FHIT: variants seen among roughly 807,000 people sequenced by gnomAD.
FHIT encodes the protein bis(5'-adenosyl)-triphosphatase.
In FHIT, 19 loss-of-function variants were observed where a neutral mutation model predicts 17.9. That is an observed-to-expected ratio of 1.06 (90% CI 0.74 to 1.56). The LOEUF (loss-of-function observed/expected upper bound fraction) is 1.56, where lower values mean the gene tolerates loss of function less well. Ranked by LOEUF, FHIT falls within the 40% of genes most tolerant of loss-of-function variation. The pLI, the probability that FHIT is intolerant of heterozygous loss-of-function variation, is 0.00. For missense variants in FHIT, 248 were observed against 189.2 expected (o/e 1.31, Z -1.82); for synonymous variants, 81 against 69.7 (o/e 1.16, Z -0.81).
intron 5 of FHIT, among the ~76,000 whole-genome samples, chr3:60,308,637 G>A (rs1025572087): frequency 6.6e-6 from 1 of 151,878 alleles, no homozygotes; most frequent in Non-Finnish European, 1.5e-5. Flanking sequence ...TTGCATGAGA[G>A]CATGAATTTG....
At chr3:60,889,763 G>A (rs1221800285) in intron 3 of FHIT, among the ~76,000 whole-genome samples, 1 of 152,104 alleles carries the variant, frequency 6.6e-6, no homozygotes, top group African/African-American at 2.4e-5. Flanking sequence ...AATCAAAAGA[G>A]AAAATCAAAG....
intron 5 of FHIT, among the ~76,000 whole-genome samples, chr3:60,180,433 C>A (rs1473606697): frequency 6.6e-6 from 1 of 152,148 alleles, no homozygotes; most frequent in Non-Finnish European, 1.5e-5. Flanking sequence ...TCATCCCAAT[C>A]CCAGTCCCTG....
rs557262402 is a variant in FHIT, at chr3:59,877,621, G to A, written c.348+44725C>T. Among the ~76,000 whole-genome samples the A allele has an allele frequency of 3.3e-5, 5 of 152,324 alleles. No individual in the cohort carries two copies. In the South Asian group the frequency reaches 1.0e-3, roughly 32 times the overall value. ...ACCATGTTCAGACATGCAGAGTAGA[G>A]GCTTGGGCTATGATCATCAGATACC... On this transcript the variant is annotated intron_variant, in intron 8 of 9. Coordinates refer to ENST00000492590, the MANE Select transcript of FHIT (RefSeq NM_002012.4).
chr3:60,318,027 A>G lies in FHIT; in HGVS notation c.103+218833T>C, dbSNP rs181569186. 3.3e-5 allele frequency among the ~76,000 whole-genome samples: 5 copies of G among 152,140 alleles called. No individual in the cohort carries two copies. In the East Asian group the frequency reaches 9.7e-4, roughly 29 times the overall value. On this transcript the variant is annotated intron_variant, in intron 5 of 9. Transcript: ENST00000492590. Reference sequence around the variant, plus strand: ...GGCTGGTCTCAAACCCCTCACCTCAAGTGATCCACCTGCCTCGGCCTCCCA... The same window carrying G: ...GGCTGGTCTCAAACCCCTCACCTCAGGTGATCCACCTGCCTCGGCCTCCCA...
chr3:59,879,067 G>C (rs563814385), intron 8 of FHIT, among the ~76,000 whole-genome samples: 89 of 152,008 alleles, frequency 5.9e-4, no homozygotes, highest in Non-Finnish European at 1.0e-3. Context: ...AGAAAAATCT[G>C]AGCTTTCTAC....
chr3:60,549,007 A>G (rs2036460204), intron 4 of FHIT, among the ~76,000 whole-genome samples: 1 of 152,170 alleles, frequency 6.6e-6, no homozygotes, highest in Non-Finnish European at 1.5e-5. Context: ...GAGTATGACA[A>G]CAGTACCTTC....
chr3:60,578,957 A>C (rs1186023555), intron 4 of FHIT, among the ~76,000 whole-genome samples: 1 of 152,172 alleles, frequency 6.6e-6, no homozygotes, highest in African/African-American at 2.4e-5. Flanking sequence ...GTAAACACTC[A>C]CAAGAAAAAG....
intron 1 of FHIT, among the ~76,000 whole-genome samples, chr3:61,204,635 C>T (rs1277212483): frequency 8.3e-6 from 1 of 120,998 alleles, no homozygotes; most frequent in Non-Finnish European, 1.8e-5. Context: ...TTTATCAAAA[C>T]GAATGTTTTA....
At chr3:61,100,962 C>T in intron 2 of FHIT, among the ~76,000 whole-genome samples, 1 of 152,116 alleles carries the variant, frequency 6.6e-6, no homozygotes, top group South Asian at 2.1e-4. Flanking sequence ...GATATTAGCC[C>T]TTTGTCAGAT....
chr3:60,134,523 A>C (rs1260843822), intron 5 of FHIT, among the ~76,000 whole-genome samples: 1 of 152,226 alleles, frequency 6.6e-6, no homozygotes, highest in Non-Finnish European at 1.5e-5. Context: ...CATAGGTCAT[A>C]GATTGTGAAT....
intron 4 of FHIT, among the ~76,000 whole-genome samples, chr3:60,767,927 A>G (rs1403416677): frequency 5.9e-5 from 9 of 152,202 alleles, no homozygotes; most frequent in African/African-American, 2.2e-4. Flanking sequence ...AGTAGATTAC[A>G]CGGGATTGTA....
At chr3:60,885,427 CAA>C (rs1705179485) in intron 3 of FHIT, among the ~76,000 whole-genome samples, 1 of 152,058 alleles carries the variant, frequency 6.6e-6, no homozygotes, top group South Asian at 2.1e-4. Flanking sequence ...CTTCTGCATA[CAA>C]AAAGTGATCT....
rs1232170775 is a variant in FHIT at position 60,782,982 on chromosome 3, GT to G, written c.-18+38936del. Among the ~76,000 whole-genome samples, 7 of 152,118 alleles carry G rather than the reference GT, an allele frequency of 4.6e-5. No individual in the cohort carries two copies. The East Asian group carries it at 1.2e-3, about 25-fold the overall frequency. ...CCTCCTAATATTATCACACTGGGTT[GT>G]TTTTTGTTGTTGTTGTTTTGACAAG... is the stretch of plus-strand genomic sequence containing the variant. On this transcript the variant is annotated intron_variant, in intron 4 of 9. Transcript: ENST00000492590.
chr3:59,797,328 G>A (rs942195851), intron 8 of FHIT, among the ~76,000 whole-genome samples: 7 of 151,684 alleles, frequency 4.6e-5, no homozygotes, highest in East Asian at 1.9e-4. Flanking sequence ...CTCAGATTAC[G>A]AGTGCCCACC....
chr3:60,497,592 C>A (rs528678754), intron 5 of FHIT, among the ~76,000 whole-genome samples: 197 of 152,232 alleles, frequency 1.3e-3, no homozygotes, highest in Non-Finnish European at 2.1e-3. Flanking sequence ...TTGTTCTACA[C>A]AGAGCTATAA....
intron 3 of FHIT, among the ~76,000 whole-genome samples, chr3:60,972,880 C>T (rs146745269): frequency 6.6e-6 from 1 of 152,236 alleles, no homozygotes; most frequent in Non-Finnish European, 1.5e-5. Flanking sequence ...ATTACACTTA[C>T]TGTAATTTTA....
intron 8 of FHIT, among the ~76,000 whole-genome samples, chr3:59,801,048 A>G (rs1384892563): frequency 6.6e-6 from 1 of 151,992 alleles, no homozygotes; most frequent in African/African-American, 2.4e-5. Flanking sequence ...TCCAACTTGA[A>G]CATTAGACTT....
chr3:60,103,243 G>C (rs186233452), intron 5 of FHIT, among the ~76,000 whole-genome samples: 1 of 152,294 alleles, frequency 6.6e-6, no homozygotes, highest in African/African-American at 2.4e-5. Flanking sequence ...TTGTAGGGGA[G>C]AAAACGATCA....
At chr3:60,158,403 C>CA (rs1700799406) in intron 5 of FHIT, among the ~76,000 whole-genome samples, 1 of 152,074 alleles carries the variant, frequency 6.6e-6, no homozygotes, top group African/African-American at 2.4e-5. Context: ...CCTCCGCTTC[C>CA]AGGGTTCAAA....
Sources: gnomAD v4.1 joint callset for allele counts (sites outside exome capture counted in the v4.1 genomes callset) on GRCh38, gnomAD v4.1.1 for gene constraint, MANE v1.5 for transcripts, NCBI Gene and HGNC (gene_info 2026-07-23, HGNC 2026-07-21) for gene names.